VRK2: variants seen among roughly 807,000 people sequenced by gnomAD.
VRK2 encodes VRK serine/threonine kinase 2, also known as serine/threonine-protein kinase VRK2.
In VRK2, 60 loss-of-function variants were observed where a neutral mutation model predicts 57.6. The ratio of observed to expected loss-of-function variants is 1.04; its 90% CI spans 0.85 to 1.29. VRK2 has a LOEUF of 1.29. Ranked by LOEUF, VRK2 falls within the 50% of genes most tolerant of loss-of-function variation. VRK2 has a pLI of 0.00. For missense variants in VRK2, 705 were observed against 588.1 expected (o/e 1.20, Z -2.06); for synonymous variants, 231 against 199.2 (o/e 1.16, Z -1.35).
At chr2:58,050,556 A>G (rs536478245) in intron 2 of VRK2, among the ~76,000 whole-genome samples, 2 of 152,306 alleles carry the variant, frequency 1.3e-5, no homozygotes, top group South Asian at 2.1e-4. Flanking sequence ...TGGTTTTCTA[A>G]TATTTGTATT....
chr2:58,155,764 C>A (rs1337656787), intron 12 of VRK2, among the ~76,000 whole-genome samples: 2 of 148,436 alleles, frequency 1.3e-5, no homozygotes, highest in Non-Finnish European at 3.0e-5. Context: ...ACCATCCCCC[C>A]CACCCCGCCG....
chr2:58,104,819 G>C (rs555789260), intron 7 of VRK2, among the ~76,000 whole-genome samples: 1 of 151,864 alleles, frequency 6.6e-6, no homozygotes, highest in Non-Finnish European at 1.5e-5. Context: ...ATACTGCAAG[G>C]CTATAGTAAC....
At chr2:58,029,788 C>T (rs1265042242) in intron 2 of VRK2, among the ~76,000 whole-genome samples, 1 of 152,042 alleles carries the variant, frequency 6.6e-6, no homozygotes, top group Non-Finnish European at 1.5e-5. Context: ...TCCTACATTA[C>T]CTTGAGTATC....
chr2:58,041,130 C>T, intron 3 of VRK2: 8 of 942,624 alleles, frequency 8.5e-6, no homozygotes, highest in Admixed American at 6.2e-5. Flanking sequence ...TTATGGTGCT[C>T]GTATTTGGGG....
chr2:58,122,266 T>C (rs1401960149), intron 7 of VRK2, among the ~76,000 whole-genome samples: 2 of 152,190 alleles, frequency 1.3e-5, no homozygotes. Context: ...CCTATGACAA[T>C]GCCAGGGTTA....
At chr2:58,054,111 T>C (rs1676160312) in intron 2 of VRK2, among the ~76,000 whole-genome samples, 1 of 152,150 alleles carries the variant, frequency 6.6e-6, no homozygotes, top group Admixed American at 6.5e-5. Flanking sequence ...TACCCAGTTA[T>C]CTATCAGTTA....
intron 10 of VRK2, among the ~76,000 whole-genome samples, chr2:58,137,127 A>G (rs1443854454): frequency 6.0e-5 from 4 of 66,902 alleles, no homozygotes; most frequent in Non-Finnish European, 1.4e-4. Flanking sequence ...ATATATGTGT[A>G]TATATCATAT....
At chr2:58,118,283 G>C (rs573627412) in intron 7 of VRK2, among the ~76,000 whole-genome samples, 1 of 152,364 alleles carries the variant, frequency 6.6e-6, no homozygotes, top group South Asian at 2.1e-4. Flanking sequence ...GTCCCTGCGT[G>C]GTCTGACACC....
At chr2:58,128,261 C>G (rs899129740) in intron 8 of VRK2, among the ~76,000 whole-genome samples, 1 of 152,156 alleles carries the variant, frequency 6.6e-6, no homozygotes, top group South Asian at 2.1e-4. Flanking sequence ...CTTCAAATAC[C>G]TTCCTCACTA....
chr2:58,139,383 T>C (rs1680999439), intron 10 of VRK2, among the ~76,000 whole-genome samples: 1 of 152,086 alleles, frequency 6.6e-6, no homozygotes. Context: ...ATCACTATAA[T>C]TATTACAATA....
intron 1 of VRK2, among the ~76,000 whole-genome samples, chr2:57,974,486 C>T (rs1454731229): frequency 6.6e-6 from 1 of 151,702 alleles, no homozygotes; most frequent in African/African-American, 2.4e-5. Flanking sequence ...GCCATATTCT[C>T]TTATTACAGT....
chr2:58,030,583 CA>C (rs1380289604), intron 2 of VRK2, among the ~76,000 whole-genome samples: 1 of 151,990 alleles, frequency 6.6e-6, no homozygotes, highest in African/African-American at 2.4e-5. Context: ...TGTTAGACCC[CA>C]GTAGAAATAT....
At chr2:58,095,466 C>T (rs996761094) in intron 7 of VRK2, among the ~76,000 whole-genome samples, 1 of 152,016 alleles carries the variant, frequency 6.6e-6, no homozygotes, top group Non-Finnish European at 1.5e-5. Context: ...TATTTTAAAG[C>T]TTTCCTCTTA....
At chr2:57,967,713 G>C (rs1364160391) in intron 1 of VRK2, among the ~76,000 whole-genome samples, 1 of 152,094 alleles carries the variant, frequency 6.6e-6, no homozygotes, top group Non-Finnish European at 1.5e-5. Context: ...ATCTATATAA[G>C]AAGGAGACGT....
chr2:57,977,242 T>A (rs1220788466), intron 1 of VRK2, among the ~76,000 whole-genome samples: 1 of 152,160 alleles, frequency 6.6e-6, no homozygotes. Flanking sequence ...CATTTTCTTC[T>A]AATTCTGTGA....
intron 7 of VRK2, among the ~76,000 whole-genome samples, chr2:58,119,408 C>T (rs1039411065): frequency 1.4e-5 from 2 of 138,330 alleles, no homozygotes; most frequent in Admixed American, 8.1e-5. Context: ...ACTTGGGAGG[C>T]GGAGGTTGCA....
At chr2:58,132,670 T>C (rs1679393550) in intron 9 of VRK2, among the ~76,000 whole-genome samples, 1 of 152,180 alleles carries the variant, frequency 6.6e-6, no homozygotes, top group South Asian at 2.1e-4. Flanking sequence ...GCAGCTAAGC[T>C]AAGTTTTAAG....
Position 58,038,538 on chromosome 2 carries a change from C to T in VRK2, c.-6+4985C>T, listed in dbSNP as rs558753109. ...GTAAAGGTGTTTTTCTCTCCAGTCC[C>T]GAGTGTAGGATAATTATTCTTATCT... is the stretch of plus-strand genomic sequence containing the variant. On this transcript the variant is annotated intron_variant, in intron 3 of 15. Coordinates refer to the VRK2 transcript ENST00000417641. 4.9e-4 allele frequency among the ~76,000 whole-genome samples: 74 copies of T among 152,142 alleles called. 1 individual carries two copies. Among genetic ancestry groups the T allele is most frequent in the African/African-American group, 1.6e-3 (68 of 41,492 alleles).
At chr2:57,922,538 T>C (rs77143908) in intron 1 of VRK2, among the ~76,000 whole-genome samples, 3,828 of 151,900 alleles carry the variant, frequency 0.025, 166 homozygotes, top group African/African-American at 0.087. Context: ...ATTTTGAATA[T>C]CCTCATCATG....
Sources: gnomAD v4.1 joint callset for allele counts (sites outside exome capture counted in the v4.1 genomes callset) on GRCh38, gnomAD v4.1.1 for gene constraint, MANE v1.5 for transcripts, NCBI Gene and HGNC (gene_info 2026-07-23, HGNC 2026-07-21) for gene names.